Variants in GRID2 observed in about 807,000 individuals in gnomAD.
GRID2 encodes the protein glutamate ionotropic receptor delta type subunit 2.
A neutral mutation model predicts 114.8 loss-of-function variants in GRID2; 33 were observed. That is an observed-to-expected ratio of 0.29 (90% CI 0.22 to 0.38). The LOEUF is 0.38. Among genes scored for constraint, GRID2 ranks in the 10% least tolerant of loss-of-function variants. The probability of loss-of-function intolerance (pLI) is 1.00; values close to 1 mark genes in which losing one functional copy is unlikely to be tolerated. For synonymous variants in GRID2, 505 were observed against 449.9 expected, an observed-to-expected ratio of 1.12 and a Z score of -1.55; for missense variants, 1,184 against 1,257.7, an observed-to-expected ratio of 0.94 and a Z score of 0.89.
At chr4:92,441,595 G>C (rs915344066) in intron 1 of GRID2, among the ~76,000 whole-genome samples, 1 of 152,112 alleles carries the variant, frequency 6.6e-6, no homozygotes, top group Non-Finnish European at 1.5e-5. Context: ...TCTGGTTTTA[G>C]GACAGGTAAA....
intron 2 of GRID2, among the ~76,000 whole-genome samples, chr4:92,930,555 C>A (rs1236150790): frequency 7.6e-6 from 1 of 131,708 alleles, no homozygotes; most frequent in Non-Finnish European, 1.6e-5. Flanking sequence ...TGGAAAGATT[C>A]TTTATCTTGT....
intron 4 of GRID2, among the ~76,000 whole-genome samples, chr4:93,127,297 AG>A (rs1203123157): frequency 6.6e-6 from 1 of 152,204 alleles, no homozygotes. Flanking sequence ...GCATTTAATC[AG>A]TAAGTTTGTG....
At chr4:93,077,999 T>C (rs1468555286) in intron 2 of GRID2, among the ~76,000 whole-genome samples, 1 of 152,160 alleles carries the variant, frequency 6.6e-6, no homozygotes, top group Non-Finnish European at 1.5e-5. Flanking sequence ...AAAGGTCTCC[T>C]TCATATTAAT....
chr4:93,613,099 T>C (rs62320922), intron 13 of GRID2, among the ~76,000 whole-genome samples: 14,092 of 113,164 alleles, frequency 0.12, 849 homozygotes, highest in African/African-American at 0.15. Context: ...TCCAGTTGAT[T>C]GCATCGGCTC....
At chr4:93,185,091 A>G (rs1208909484) in intron 4 of GRID2, among the ~76,000 whole-genome samples, 1 of 152,170 alleles carries the variant, frequency 6.6e-6, no homozygotes, top group Non-Finnish European at 1.5e-5. Flanking sequence ...TATGGTAGGT[A>G]AAGTATGTCT....
chr4:93,233,608 G>A (rs1746413296), intron 7 of GRID2, among the ~76,000 whole-genome samples: 1 of 152,076 alleles, frequency 6.6e-6, no homozygotes, highest in South Asian at 2.1e-4. Flanking sequence ...CTTCCAAAGT[G>A]CTGGAATTAC....
chr4:92,640,751 A>G (rs1176345530), intron 2 of GRID2, among the ~76,000 whole-genome samples: 1 of 151,904 alleles, frequency 6.6e-6, no homozygotes, highest in Admixed American at 6.6e-5. Flanking sequence ...TAATATATAT[A>G]AAATGAGGGA....
In GRID2 at chr4:92,303,995, G is replaced by C. The variant is rs770893556; in HGVS notation, c.-662G>C. On this transcript the variant is annotated 5_prime_UTR_variant, in exon 1 of 16. Coordinates refer to ENST00000282020, the MANE Select transcript of GRID2 (RefSeq NM_001510.4). Reference sequence around the variant, plus strand: ...CGGCTCCCCGGGCCCGCCTCGCCAAGCTGCGTTCCGCGCCTCACGCAGAAA... The same window carrying C: ...CGGCTCCCCGGGCCCGCCTCGCCAACCTGCGTTCCGCGCCTCACGCAGAAA... 6.5e-6 allele frequency: 1 copy of C among 152,880 alleles called. No individual in the cohort carries two copies. The highest frequency in any genetic ancestry group is 2.1e-4 in the South Asian group (1 of 4,878). 9.5% of individuals were successfully genotyped at this position (152,880 alleles called of 1,614,324 possible).
intron 4 of GRID2, among the ~76,000 whole-genome samples, chr4:93,188,154 C>G (rs528529497): frequency 6.6e-6 from 1 of 152,348 alleles, no homozygotes; most frequent in East Asian, 1.9e-4. Flanking sequence ...AGACATTGCC[C>G]TAATGGGATC....
At chr4:93,793,811 T>A (rs182387920) in intron 1 of GRID2, among the ~76,000 whole-genome samples, 1 of 152,316 alleles carries the variant, frequency 6.6e-6, no homozygotes, top group Non-Finnish European at 1.5e-5. Flanking sequence ...GAAAATATGA[T>A]GAACGCTCTC....
rs570997832 is a variant in GRID2 at position 92,690,296 on chromosome 4, C to G, written c.244+100010C>G. Among the ~76,000 whole-genome samples, 199 of 151,964 alleles carry G rather than the reference C, an allele frequency of 1.3e-3. 1 individual carries two copies. The highest frequency in any genetic ancestry group is 4.7e-3 in the African/African-American group (193 of 41,470). Reference sequence around the variant, plus strand: ...TGGCCTAGTTTCCATACTGTTGTGTCCTAAGTGATAGAGAAGTCTGAGGAG... The same window carrying G: ...TGGCCTAGTTTCCATACTGTTGTGTGCTAAGTGATAGAGAAGTCTGAGGAG... On this transcript the variant is annotated intron_variant, in intron 2 of 15. Coordinates refer to ENST00000282020, the MANE Select transcript of GRID2 (RefSeq NM_001510.4).
At position 92,313,081 on chromosome 4, in the gene GRID2, A is replaced by ATGTGTGTG. The variant is rs144557382; in HGVS notation, c.88+8371_88+8378dup. Among the ~76,000 whole-genome samples the ATGTGTGTG allele has an allele frequency of 6.0e-3, 866 of 145,196 alleles. 9 individuals are homozygous for ATGTGTGTG. The highest frequency in any genetic ancestry group is 0.019 in the African/African-American group (770 of 39,498). ...AATGAGTGGATAAAGAAACTCTGATATGTGTGTGTGTGTGTGTGTGTGTGT... is the reference window on the plus strand; with the variant it reads ...AATGAGTGGATAAAGAAACTCTGATATGTGTGTGTGTGTGTGTGTGTGTGTGTGTGTGT... On this transcript the variant is annotated intron_variant, in intron 1 of 15. Coordinates refer to ENST00000282020, the MANE Select transcript of GRID2 (RefSeq NM_001510.4).
intron 1 of GRID2, among the ~76,000 whole-genome samples, chr4:92,529,808 T>C (rs755465787): frequency 3.4e-4 from 51 of 152,156 alleles, no homozygotes; most frequent in Non-Finnish European, 6.3e-4. Context: ...GCTAGAGTTA[T>C]AGAATCTGAT....
intron 4 of GRID2, among the ~76,000 whole-genome samples, chr4:93,160,882 T>C (rs555484716): frequency 2.6e-5 from 4 of 151,944 alleles, no homozygotes; most frequent in African/African-American, 9.6e-5. Context: ...TTTAACAAGA[T>C]TTTTATATGC....
At chr4:92,590,311 G>GT in intron 2 of GRID2, 25 bp downstream of exon 2, 1 of 1,560,620 alleles carries the variant, frequency 6.4e-7, no homozygotes, top group South Asian at 1.2e-5. Context: ...ATTTATTTTG[G>GT]TTTTTTGGTT....
At chr4:93,264,516 T>C (rs565735797) in intron 8 of GRID2, among the ~76,000 whole-genome samples, 2 of 151,460 alleles carry the variant, frequency 1.3e-5, no homozygotes, top group African/African-American at 4.8e-5. Flanking sequence ...AGACTGAAAA[T>C]CTCTTGGGTA....
At chr4:92,776,082 A>G (rs1459521214) in intron 2 of GRID2, among the ~76,000 whole-genome samples, 1 of 152,152 alleles carries the variant, frequency 6.6e-6, no homozygotes, top group Non-Finnish European at 1.5e-5. Flanking sequence ...TAAAACTTTT[A>G]TTCCTTTTAT....
chr4:93,316,362 A>G (rs1003842836), intron 8 of GRID2, among the ~76,000 whole-genome samples: 4 of 132,102 alleles, frequency 3.0e-5, no homozygotes, highest in Non-Finnish European at 6.4e-5. Context: ...GAAGGAAGGA[A>G]AAGAAAAAGA....
At chr4:93,466,440 C>T (rs1724278742) in intron 11 of GRID2, among the ~76,000 whole-genome samples, 1 of 152,162 alleles carries the variant, frequency 6.6e-6, no homozygotes. Context: ...CCCTGTAGAG[C>T]AGGGCTACCC....
Sources: allele counts gnomAD v4.1 joint callset (sites outside exome capture counted in the v4.1 genomes callset), GRCh38; gene constraint gnomAD v4.1.1; transcripts MANE v1.5; gene names NCBI Gene and HGNC (gene_info 2026-07-23, HGNC 2026-07-21).